The following TFEC variants were observed in gnomAD, a reference collection of about 807,000 sequenced individuals.
TFEC encodes class E basic helix-loop-helix protein 34.
TFEC carries 31 observed loss-of-function variants against 41.6 expected under a neutral mutation model. The observed-to-expected ratio is 0.74, with a 90% CI of 0.56 to 1.01. The LOEUF (loss-of-function observed/expected upper bound fraction) is 1.01. Ranked by LOEUF, TFEC falls within the 50% of genes least tolerant of loss-of-function variation. TFEC has a pLI of 0.00. For synonymous variants in TFEC, 143 were observed against 140.6 expected (o/e 1.02, Z -0.12); for missense variants, 402 against 404.1 (o/e 0.99, Z 0.04).
chr7:115,946,188 C>T (rs1293964880), intron 6 of TFEC, among the ~76,000 whole-genome samples: 1 of 150,856 alleles, frequency 6.6e-6, no homozygotes, highest in Non-Finnish European at 1.5e-5. Flanking sequence ...CTAACAGAGT[C>T]ACATGTTTAG....
intron 1 of TFEC, among the ~76,000 whole-genome samples, chr7:116,148,587 G>A (rs1041371157): frequency 2.0e-5 from 3 of 152,078 alleles, no homozygotes; most frequent in Admixed American, 6.6e-5. Flanking sequence ...TGGGCAAGAG[G>A]AGACTCTAGA....
chr7:116,148,210 T>C (rs1436764268), intron 1 of TFEC, among the ~76,000 whole-genome samples: 1 of 152,142 alleles, frequency 6.6e-6, no homozygotes, highest in Non-Finnish European at 1.5e-5. Context: ...TGGAACCCAG[T>C]GAGCAGGGGC....
intron 1 of TFEC, among the ~76,000 whole-genome samples, chr7:116,151,601 G>A (rs1441494742): frequency 6.6e-6 from 1 of 151,392 alleles, no homozygotes; most frequent in East Asian, 1.9e-4. Context: ...AGTAGGGTTT[G>A]TTTTTTGGTT....
intron 2 of TFEC, among the ~76,000 whole-genome samples, chr7:115,980,275 T>C (rs1228207683): frequency 6.6e-6 from 1 of 152,112 alleles, no homozygotes; most frequent in Non-Finnish European, 1.5e-5. Context: ...GTCCATCTGG[T>C]TTGAGGGCCT....
chr7:116,091,220 G>A (rs1797320521), intron 3 of TFEC, among the ~76,000 whole-genome samples: 1 of 151,992 alleles, frequency 6.6e-6, no homozygotes, highest in African/African-American at 2.4e-5. Context: ...ACTTCTTCAG[G>A]GAAATTGGTA....
At chr7:116,080,549 C>A (rs1460002017) in intron 3 of TFEC, among the ~76,000 whole-genome samples, 2 of 152,018 alleles carry the variant, frequency 1.3e-5, no homozygotes, top group African/African-American at 4.8e-5. Flanking sequence ...ATAGATAATT[C>A]TCAAAACAAG....
chr7:116,027,519 C>T (rs1228076556), intron 1 of TFEC, among the ~76,000 whole-genome samples: 1 of 152,002 alleles, frequency 6.6e-6, no homozygotes, highest in African/African-American at 2.4e-5. Flanking sequence ...CTCTTTTGAG[C>T]CCGGGAGGTC....
intron 3 of TFEC, among the ~76,000 whole-genome samples, chr7:116,092,853 T>C (rs953814487): frequency 6.6e-6 from 1 of 152,138 alleles, no homozygotes; most frequent in African/African-American, 2.4e-5. Context: ...TCTAATCCTA[T>C]GTCCAGAAAA....
At chr7:116,152,138 G>C (rs1798774786) in intron 1 of TFEC, among the ~76,000 whole-genome samples, 1 of 152,136 alleles carries the variant, frequency 6.6e-6, no homozygotes, top group Non-Finnish European at 1.5e-5. Flanking sequence ...GTTAAAAAAT[G>C]TCAAGGACTC....
chr7:115,948,561 T>C (rs566341083), intron 6 of TFEC, among the ~76,000 whole-genome samples: 2 of 152,252 alleles, frequency 1.3e-5, no homozygotes, highest in South Asian at 4.1e-4. Flanking sequence ...AATCAATAAA[T>C]GTAATCTGGC....
chr7:116,017,342 C>T (rs1327734315), intron 1 of TFEC, among the ~76,000 whole-genome samples: 1 of 152,130 alleles, frequency 6.6e-6, no homozygotes, highest in Non-Finnish European at 1.5e-5. Context: ...CTGCCTCAGC[C>T]TCCTGAGTAG....
chr7:116,075,033 G>A (rs1796923814), intron 3 of TFEC, among the ~76,000 whole-genome samples: 1 of 152,126 alleles, frequency 6.6e-6, no homozygotes, highest in Non-Finnish European at 1.5e-5. Context: ...AAAGAGTTGG[G>A]GAAATGAGGG....
chr7:115,967,772 A>G (rs1259672518), intron 3 of TFEC, among the ~76,000 whole-genome samples: 4 of 151,850 alleles, frequency 2.6e-5, no homozygotes, highest in African/African-American at 9.7e-5. Context: ...ACTATATACA[A>G]TAATAGAAGA....
intron 1 of TFEC, among the ~76,000 whole-genome samples, chr7:116,022,477 C>G (rs1795434446): frequency 6.6e-6 from 1 of 152,088 alleles, no homozygotes. Flanking sequence ...GCCTTGGAGC[C>G]ACATATTTCC....
chr7:116,047,886 C>T (rs1378781177), intron 3 of TFEC, among the ~76,000 whole-genome samples: 1 of 152,146 alleles, frequency 6.6e-6, no homozygotes, highest in African/African-American at 2.4e-5. Flanking sequence ...TGCAGTGGAC[C>T]TCCAGCAAAC....
At chr7:116,014,616 T>C (rs1795122239) in intron 1 of TFEC, among the ~76,000 whole-genome samples, 2 of 152,140 alleles carry the variant, frequency 1.3e-5, no homozygotes, top group Admixed American at 6.6e-5. Flanking sequence ...GGCAAAATAA[T>C]ACCTCCCCAC....
chr7:116,021,532 C>A (rs1381993689), intron 1 of TFEC, among the ~76,000 whole-genome samples: 1 of 152,186 alleles, frequency 6.6e-6, no homozygotes, highest in Non-Finnish European at 1.5e-5. Context: ...AAAGTCAAAG[C>A]TGCAATGTGT....
chr7:116,007,374 A>T (rs1794838374), intron 1 of TFEC, among the ~76,000 whole-genome samples: 1 of 152,236 alleles, frequency 6.6e-6, no homozygotes, highest in African/African-American at 2.4e-5. Flanking sequence ...ATTTAGTCAG[A>T]AATTAATTAA....
chr7:116,047,238 T>C (rs1796189396), intron 3 of TFEC, among the ~76,000 whole-genome samples: 1 of 152,102 alleles, frequency 6.6e-6, no homozygotes, highest in Non-Finnish European at 1.5e-5. Flanking sequence ...GGTCAGGAAA[T>C]TCCCTTTCCT....
Sources: gnomAD v4.1 joint callset for allele counts (sites outside exome capture counted in the v4.1 genomes callset) on GRCh38, gnomAD v4.1.1 for gene constraint, MANE v1.5 for transcripts, NCBI Gene and HGNC (gene_info 2026-07-23, HGNC 2026-07-21) for gene names.